The following EIF2AK3 variants were observed in gnomAD, a reference collection of about 807,000 sequenced individuals.
EIF2AK3 encodes the protein eukaryotic translation initiation factor 2-alpha kinase 3.
Under a neutral mutation model 113.5 loss-of-function variants are expected in EIF2AK3, and 50 were observed. That is an observed-to-expected ratio of 0.44 (90% confidence interval 0.35 to 0.56). The LOEUF (loss-of-function observed/expected upper bound fraction) is 0.56, where lower values mean the gene tolerates loss of function less well. Ranked by LOEUF, EIF2AK3 falls within the 20% of genes least tolerant of loss-of-function variation. The probability of loss-of-function intolerance (pLI) is 0.00; values close to 1 mark genes in which losing one functional copy is unlikely to be tolerated. For synonymous variants in EIF2AK3, 448 were observed against 495.4 expected (o/e 0.90, Z 1.27); for missense variants, 1,185 against 1,378.0 (o/e 0.86, Z 2.22).
intron 11 of EIF2AK3, among the ~76,000 whole-genome samples, chr2:88,578,188 G>A (rs1289000299): frequency 6.6e-6 from 1 of 152,132 alleles, no homozygotes; most frequent in African/African-American, 2.4e-5. Context: ...CTACCAGACA[G>A]GAATTTGAAA....
intron 5 of EIF2AK3, 45 bp from the exon 6 acceptor site, chr2:88,590,650 T>A: frequency 6.2e-7 from 1 of 1,601,216 alleles, no homozygotes; most frequent in Non-Finnish European, 8.5e-7. Context: ...CAAGCAGTAG[T>A]TATATAGTTC....
In EIF2AK3 at chr2:88,627,039, G is replaced by C; in HGVS notation, c.236C>G (p.Pro79Arg). 1 of 1,602,104 alleles carries C rather than the reference G, an allele frequency of 6.2e-7. No homozygotes were observed. The highest frequency in any genetic ancestry group is 8.5e-7 in the Non-Finnish European group (1 of 1,178,068). Reference sequence around the variant, plus strand: ...AGGCTCCTGCTCTCCCGCGGCTGCCGGCAGCGCCTCAGCGTCCTCCACAGT... The same window carrying C: ...AGGCTCCTGCTCTCCCGCGGCTGCCCGCAGCGCCTCAGCGTCCTCCACAGT... ...EVTVEDAEALPAAAGEQEPRG... is the reference protein window; with the variant it reads ...EVTVEDAEALRAAAGEQEPRG... Residue 79 changes from proline to arginine, a missense_variant, in exon 1 of 17, where the codon CCG becomes CGG. Transcript: ENST00000303236.
At chr2:88,626,829 C>G (rs1330613827) in intron 1 of EIF2AK3, 138 bp downstream of exon 1, 5 of 1,213,214 alleles carry the variant, frequency 4.1e-6, no homozygotes, top group Admixed American at 4.8e-5. Flanking sequence ...GCCCCGCGCT[C>G]GTCCCCAGGT....
intron 1 of EIF2AK3, among the ~76,000 whole-genome samples, chr2:88,616,987 C>A (rs1420348136): frequency 2.0e-5 from 3 of 152,180 alleles, no homozygotes; most frequent in African/African-American, 7.2e-5. Context: ...AAGCATGTCT[C>A]TGGAATGGAG....
chr2:88,562,192 C>T lies in EIF2AK3; in HGVS notation c.3087+97G>A. On this transcript the variant is annotated intron_variant, in intron 15 of 16. Transcript: ENST00000303236. ...CTTTCACTTTTAGTTAACCAATCTGCTGGTATTAAGAAGAACTAAGTCTTT... is the reference window on the plus strand; with the variant it reads ...CTTTCACTTTTAGTTAACCAATCTGTTGGTATTAAGAAGAACTAAGTCTTT... 9.8e-6 allele frequency: 9 copies of T among 918,888 alleles called. No individual in the cohort carries two copies. The South Asian group carries it at 1.3e-4, about 13-fold the overall frequency. The allele number at this position is 918,888 out of a possible 1,614,324, so 56.9% of individuals were successfully genotyped here.
At chr2:88,597,542 C>G (rs1432194416) in intron 2 of EIF2AK3, among the ~76,000 whole-genome samples, 2 of 152,112 alleles carry the variant, frequency 1.3e-5, no homozygotes, top group Non-Finnish European at 2.9e-5. Flanking sequence ...TAGTTCTCCC[C>G]CAATGGGTGG....
chr2:88,611,798 T>A (rs972796099), intron 2 of EIF2AK3, among the ~76,000 whole-genome samples: 2 of 152,106 alleles, frequency 1.3e-5, no homozygotes, highest in African/African-American at 4.8e-5. Flanking sequence ...ACCTTGCTAA[T>A]TTTTTGTATT....
chr2:88,575,679 C>T (rs1467133225), intron 12 of EIF2AK3: 2 of 537,534 alleles, frequency 3.7e-6, no homozygotes, highest in Admixed American at 6.0e-5. Context: ...GAAACAGTTA[C>T]CTGGGACTGT....
Position 88,590,536 on chromosome 2 carries a change from C to G in EIF2AK3, c.1072G>C (p.Asp358His). The part of the protein sequence containing the change: ...GKVIPISLFD[D>H]TSYTSNDDVL... ...TCATCATTAGATGTATAACTTGTAT[C>G]ATCAAAAAGACTGATGGGAATGACT... Residue 358 changes from aspartate to histidine, a missense_variant, in exon 6 of 17, where the codon GAT becomes CAT. Around this residue, in one of 3 missense-constraint regions of EIF2AK3, gnomAD observed 877 missense variants for 1,024.2 expected, o/e 0.86. Transcript: ENST00000303236. 8 of 1,613,634 alleles carry G rather than the reference C, an allele frequency of 5.0e-6. No individual in the cohort carries two copies. The South Asian group carries it at 8.8e-5, about 18-fold the overall frequency.
At chr2:88,606,306 AATAAAAT>A (rs1407072350) in intron 2 of EIF2AK3, among the ~76,000 whole-genome samples, 1 of 150,266 alleles carries the variant, frequency 6.7e-6, no homozygotes, top group Non-Finnish European at 1.5e-5. Context: ...TTCCTAAAAA[AATAAAAT>A]AAAAAATAAA....
intron 15 of EIF2AK3, 124 bp downstream of exon 15, chr2:88,562,165 C>A: frequency 1.3e-6 from 1 of 751,078 alleles, no homozygotes; most frequent in South Asian, 1.6e-5. Flanking sequence ...CTCACATCAC[C>A]TCTTTCACTT....
chr2:88,591,739 A>G (rs1674893082), intron 4 of EIF2AK3, among the ~76,000 whole-genome samples: 1 of 152,218 alleles, frequency 6.6e-6, no homozygotes, highest in Non-Finnish European at 1.5e-5. Flanking sequence ...ATAAAATGGC[A>G]TAGTTAAGAA....
At chr2:88,568,969 C>A (rs933927021) in intron 14 of EIF2AK3, among the ~76,000 whole-genome samples, 3 of 152,132 alleles carry the variant, frequency 2.0e-5, no homozygotes. Context: ...CGGCTCACTG[C>A]AACCTCTGCC....
chr2:88,593,778 A>G (rs1279933916), intron 3 of EIF2AK3: 1 of 452,384 alleles, frequency 2.2e-6, no homozygotes, highest in South Asian at 8.1e-5. Context: ...TCTGTATAAC[A>G]AAAGTGTTTG....
rs1414649675 is a variant in EIF2AK3 at position 88,585,928 on chromosome 2, C to G, written c.1563G>C (p.Trp521Cys). 7 of 1,613,986 alleles carry G rather than the reference C, an allele frequency of 4.3e-6. No individual in the cohort carries two copies. Among genetic ancestry groups the G allele is most frequent in the Non-Finnish European group, 5.9e-6 (7 of 1,180,002 alleles). Residue 521 changes from tryptophan (W) to cysteine (C), a missense_variant, in exon 9 of 17, where the codon TGG (tryptophan) becomes TGC (cysteine). This residue lies in a region of EIF2AK3 where 877 missense variants were observed against 1,024.2 expected (regional missense o/e 0.86). Coordinates refer to ENST00000303236, the MANE Select transcript of EIF2AK3 (RefSeq NM_004836.7). ...RKKDPVLLLH[W>C]WKEIVATILF... is the part of the protein sequence containing the mutation. The stretch of plus-strand genomic sequence containing the variant: ...AAATCGTTGCAACTATTTCTTTCCA[C>G]CAGTGTAAAAGAAGAACAGGATCCT...
chr2:88,575,569 AACAT>A (rs1674436914), intron 12 of EIF2AK3, 123 bp from the exon 13 acceptor site: 1 of 963,614 alleles, frequency 1.0e-6, no homozygotes, highest in Admixed American at 1.9e-5. Flanking sequence ...ACAACAAAAC[AACAT>A]ACAAACTAAA....
intron 2 of EIF2AK3, 160 bp from the exon 3 acceptor site, chr2:88,595,823 C>T (rs1471431361): frequency 2.6e-6 from 2 of 766,700 alleles, no homozygotes; most frequent in South Asian, 2.9e-5. Flanking sequence ...CTGAGTAGCA[C>T]ATGAAGCAGT....
chr2:88,601,387 C>T (rs921503585), intron 2 of EIF2AK3, among the ~76,000 whole-genome samples: 6 of 152,230 alleles, frequency 3.9e-5, no homozygotes, highest in African/African-American at 7.2e-5. Flanking sequence ...TCTGGTGCTA[C>T]GCACTTCCTA....
chr2:88,597,712 C>G (rs1675052245), intron 2 of EIF2AK3, among the ~76,000 whole-genome samples: 1 of 151,982 alleles, frequency 6.6e-6, no homozygotes, highest in South Asian at 2.1e-4. Context: ...TATTTTTTTG[C>G]TTTGAAATCT....
Sources: gnomAD v4.1 joint callset for allele counts (sites outside exome capture counted in the v4.1 genomes callset) on GRCh38, gnomAD v4.1.1 for gene constraint, gnomAD v4.1.1 regional missense constraint, MANE v1.5 for transcripts, NCBI Gene and HGNC (gene_info 2026-07-23, HGNC 2026-07-21) for gene names.